Variants in PCDH15 observed in about 807,000 individuals in gnomAD.
PCDH15 encodes protocadherin related 15.
Under a neutral mutation model 178.5 loss-of-function variants are expected in PCDH15, and 129 were observed. The observed-to-expected ratio is 0.72, with a 90% CI of 0.63 to 0.84. The LOEUF is 0.84. PCDH15 is among the 40% of genes least tolerant of loss of function. PCDH15 has a pLI of 0.00. For synonymous variants in PCDH15, 800 were observed against 732.0 expected (o/e 1.09, Z -1.50); for missense variants, 2,230 against 2,099.9 (o/e 1.06, Z -1.21).
intron 28 of PCDH15, among the ~76,000 whole-genome samples, chr10:53,850,728 G>A (rs1274104316): frequency 6.6e-6 from 1 of 151,892 alleles, no homozygotes; most frequent in Non-Finnish European, 1.5e-5. Flanking sequence ...TATTAAAATG[G>A]GTGTGCTGCA....
intron 1 of PCDH15, among the ~76,000 whole-genome samples, chr10:55,281,446 A>G (rs1554849137): frequency 6.6e-6 from 1 of 151,430 alleles, no homozygotes; most frequent in African/African-American, 2.4e-5. Flanking sequence ...TCTTTTTTTA[A>G]TAAAACTCTT....
intron 2 of PCDH15, among the ~76,000 whole-genome samples, chr10:54,629,465 C>T (rs1258531812): frequency 1.3e-5 from 2 of 152,082 alleles, no homozygotes; most frequent in East Asian, 3.9e-4. Flanking sequence ...AAATTTGATT[C>T]ACCTCATACA....
intron 23 of PCDH15, among the ~76,000 whole-genome samples, chr10:53,952,109 C>G (rs2087121533): frequency 6.6e-6 from 1 of 152,168 alleles, no homozygotes; most frequent in African/African-American, 2.4e-5. Flanking sequence ...GCTCCTAGGT[C>G]TGGGATCCCT....
chr10:55,108,633 GTAAC>G (rs1226063959), intron 2 of PCDH15, among the ~76,000 whole-genome samples: 1 of 151,756 alleles, frequency 6.6e-6, no homozygotes, highest in East Asian at 1.9e-4. Context: ...AATATAAACT[GTAAC>G]TAATTTCTAA....
chr10:53,868,953 G>A (rs554875122), intron 26 of PCDH15, among the ~76,000 whole-genome samples: 8 of 152,146 alleles, frequency 5.3e-5, no homozygotes, highest in Non-Finnish European at 1.2e-4. Flanking sequence ...GAGTAGCTGG[G>A]ACTATAGGCA....
chr10:53,901,808 CT>C (rs1417570018), intron 26 of PCDH15, among the ~76,000 whole-genome samples: 1 of 152,174 alleles, frequency 6.6e-6, no homozygotes, highest in Non-Finnish European at 1.5e-5. Context: ...ATTCAGGTCA[CT>C]GTTTCAGTTT....
intron 1 of PCDH15, among the ~76,000 whole-genome samples, chr10:55,264,109 C>A (rs1842219813): frequency 6.6e-6 from 1 of 152,098 alleles, no homozygotes. Context: ...GCAGGAGTGA[C>A]CCCTGCTGGC....
chr10:55,279,669 A>G (rs1035089828), intron 1 of PCDH15, among the ~76,000 whole-genome samples: 1 of 152,318 alleles, frequency 6.6e-6, no homozygotes, highest in South Asian at 2.1e-4. Context: ...TTTCTGCTAT[A>G]TAATACAAAT....
intron 3 of PCDH15, among the ~76,000 whole-genome samples, chr10:54,500,705 C>G (rs2080592201): frequency 6.6e-6 from 1 of 151,998 alleles, no homozygotes; most frequent in Non-Finnish European, 1.5e-5. Context: ...TGGTGCACGC[C>G]TGTAATTCCA....
intron 2 of PCDH15, among the ~76,000 whole-genome samples, chr10:54,899,848 G>A (rs1233435571): frequency 1.4e-5 from 1 of 69,748 alleles, no homozygotes; most frequent in Non-Finnish European, 2.7e-5. Flanking sequence ...ACAAAGGAAT[G>A]ACATATTTTT....
intron 1 of PCDH15, among the ~76,000 whole-genome samples, chr10:54,764,031 T>C (rs1304386265): frequency 1.3e-5 from 2 of 151,962 alleles, no homozygotes; most frequent in Non-Finnish European, 2.9e-5. Flanking sequence ...TCTTTTACCA[T>C]GGTTTTCTTG....
intron 1 of PCDH15, among the ~76,000 whole-genome samples, chr10:55,291,980 C>T (rs1179772531): frequency 6.6e-6 from 1 of 152,178 alleles, no homozygotes; most frequent in African/African-American, 2.4e-5. Flanking sequence ...TTACCTCCAA[C>T]TGAGTCCTTC....
At chr10:54,721,594 C>T (rs1372010364) in intron 1 of PCDH15, among the ~76,000 whole-genome samples, 1 of 151,680 alleles carries the variant, frequency 6.6e-6, no homozygotes, top group African/African-American at 2.4e-5. Flanking sequence ...CTATGAACAC[C>T]TTTATGTGCA....
chr10:54,664,909 TAAAA>T (rs759609948), intron 1 of PCDH15, among the ~76,000 whole-genome samples: 1 of 126,332 alleles, frequency 7.9e-6, no homozygotes. Context: ...CCCAGCAAGT[TAAAA>T]AAAAAAAAAA....
intron 2 of PCDH15, among the ~76,000 whole-genome samples, chr10:55,051,307 C>G (rs943095532): frequency 6.6e-6 from 1 of 152,066 alleles, no homozygotes; most frequent in African/African-American, 2.4e-5. Context: ...GGTATAGTCT[C>G]TAATGTAGAA....
chr10:55,260,828 C>A (rs534697748), intron 1 of PCDH15, among the ~76,000 whole-genome samples: 1 of 152,144 alleles, frequency 6.6e-6, no homozygotes, highest in East Asian at 1.9e-4. Flanking sequence ...TACTTCAATT[C>A]TCAAAACTTA....
chr10:54,066,722 A>G, intron 18 of PCDH15, 35 bp downstream of exon 18: 2 of 1,601,448 alleles, frequency 1.2e-6, no homozygotes, highest in Non-Finnish European at 8.5e-7. Context: ...TCTTTGAAAA[A>G]CTACATATAA....
In PCDH15 at chr10:54,044,706, C is replaced by T. The variant is rs192763611; in HGVS notation, c.2221-21509G>A. 2.0e-4 allele frequency among the ~76,000 whole-genome samples: 31 copies of T among 152,236 alleles called. No homozygotes were observed. In the East Asian group the frequency reaches 2.5e-3, roughly 12 times the overall value. On this transcript the variant is annotated intron_variant, in intron 18 of 37. Transcript: ENST00000644397. ...ATCTATAAGGATGGCTATCCAACCA[C>T]GGTGTTCCCAAAGCAAATACAGAAA... is the stretch of plus-strand genomic sequence containing the variant.
intron 2 of PCDH15, among the ~76,000 whole-genome samples, chr10:55,449,479 T>C (rs915916028): frequency 6.6e-6 from 1 of 151,964 alleles, no homozygotes; most frequent in African/African-American, 2.4e-5. Flanking sequence ...ATTAGAAAGA[T>C]TGCCCTGTCT....
Sources: allele counts gnomAD v4.1 joint callset (sites outside exome capture counted in the v4.1 genomes callset), GRCh38; gene constraint gnomAD v4.1.1; transcripts MANE v1.5; gene names NCBI Gene and HGNC (gene_info 2026-07-23, HGNC 2026-07-21).